The following MPHOSPH6 variants were observed in gnomAD, a reference collection of about 807,000 sequenced individuals.
The protein encoded by MPHOSPH6 is M-phase phosphoprotein 6.
Under a neutral mutation model 21.8 loss-of-function variants are expected in MPHOSPH6, and 25 were observed. That is an observed-to-expected ratio of 1.15 (90% CI 0.83 to 1.60). The LOEUF (loss-of-function observed/expected upper bound fraction) is 1.60. MPHOSPH6 is among the 40% of genes most tolerant of loss of function. MPHOSPH6 has a pLI of 0.00. For synonymous variants in MPHOSPH6, 84 were observed against 56.5 expected, an observed-to-expected ratio of 1.49 and a Z score of -2.18; for missense variants, 269 against 181.8, an observed-to-expected ratio of 1.48 and a Z score of -2.76.
chr16:82,167,699 G>C (rs1268892450), intron 1 of MPHOSPH6: 1 of 152,276 alleles, frequency 6.6e-6, no homozygotes, highest in Non-Finnish European at 1.5e-5. Context: ...TAGGGTTTCT[G>C]ATCCTAGGAG....
At chr16:82,161,094 G>A (rs930676802) in intron 2 of MPHOSPH6, among the ~76,000 whole-genome samples, 4 of 152,140 alleles carry the variant, frequency 2.6e-5, no homozygotes, top group African/African-American at 9.7e-5. Context: ...CTTCATCAAA[G>A]CTAACATAAA....
rs916141512 is a variant in MPHOSPH6 at position 82,152,205 on chromosome 16, A to AT, written c.165-692dup. On this transcript the variant is annotated intron_variant, in intron 2 of 4. Coordinates refer to ENST00000258169, the MANE Select transcript of MPHOSPH6 (RefSeq NM_005792.2). Reference sequence around the variant, plus strand: ...AGCTGTGTGGTGCACTTATACACAGATTTTTTTCAAAAAATTTCAATAGTT... The same window carrying AT: ...AGCTGTGTGGTGCACTTATACACAGATTTTTTTTCAAAAAATTTCAATAGTT... Among the ~76,000 whole-genome samples the AT allele has an allele frequency of 3.9e-5, 6 of 152,188 alleles. No homozygotes were observed. In the South Asian group the frequency reaches 6.2e-4, roughly 16 times the overall value.
At chr16:82,149,638 G>A (rs967362565) in intron 3 of MPHOSPH6, among the ~76,000 whole-genome samples, 1 of 152,224 alleles carries the variant, frequency 6.6e-6, no homozygotes, top group African/African-American at 2.4e-5. Context: ...AATTTAAAGT[G>A]TATTTAAGAT....
At chr16:82,167,982 T>C (rs1417246788) in intron 1 of MPHOSPH6, among the ~76,000 whole-genome samples, 2 of 152,226 alleles carry the variant, frequency 1.3e-5, no homozygotes, top group South Asian at 2.1e-4. Context: ...TCTATCAGTA[T>C]AGACAGTGTC....
chr16:82,161,810 A>G (rs1324122593), intron 2 of MPHOSPH6, among the ~76,000 whole-genome samples: 1 of 152,206 alleles, frequency 6.6e-6, no homozygotes, highest in Non-Finnish European at 1.5e-5. Context: ...TCATTCCCCT[A>G]CATGGTCTAG....
rs938425901 is a variant in MPHOSPH6 at position 82,170,114 on chromosome 16, C to T, written c.51+11G>A. The T allele has an allele frequency of 8.8e-6, 14 of 1,588,814 alleles. No individual in the cohort carries two copies. Among genetic ancestry groups the T allele is most frequent in the Non-Finnish European group, 1.2e-5 (14 of 1,167,974 alleles). On this transcript the variant is annotated intron_variant, in intron 1 of 4. Transcript: ENST00000258169. The stretch of plus-strand genomic sequence containing the variant: ...CTACCGCCCGGAGTGGCGCTCTCAG[C>T]GTCCCCGCACCTTCATGCGCAGTAG...
intron 1 of MPHOSPH6, among the ~76,000 whole-genome samples, chr16:82,169,373 C>G (rs1277689333): frequency 6.6e-6 from 1 of 152,158 alleles, no homozygotes; most frequent in African/African-American, 2.4e-5. Flanking sequence ...GACGCTGTGC[C>G]TTCCACCCTC....
chr16:82,157,438 A>G (rs1004991882), intron 2 of MPHOSPH6, among the ~76,000 whole-genome samples: 2 of 152,244 alleles, frequency 1.3e-5, no homozygotes, highest in Non-Finnish European at 2.9e-5. Flanking sequence ...GACAAAATTA[A>G]TCTACGGTTT....
intron 2 of MPHOSPH6, 67 bp from the exon 3 acceptor site, chr16:82,151,581 G>A: frequency 1.4e-6 from 2 of 1,471,408 alleles, no homozygotes; most frequent in Middle Eastern, 2.6e-4. Context: ...CCAACACTTT[G>A]AATAAAAAAA....
chr16:82,156,463 C>G (rs1032577898), intron 2 of MPHOSPH6, among the ~76,000 whole-genome samples: 1 of 151,646 alleles, frequency 6.6e-6, no homozygotes, highest in Non-Finnish European at 1.5e-5. Flanking sequence ...TTTAAAATGG[C>G]CAAAATATTT....
chr16:82,164,322 T>C (rs867671733), intron 1 of MPHOSPH6, 128 bp from the exon 2 acceptor site: 1 of 649,964 alleles, frequency 1.5e-6, no homozygotes. Context: ...GATTGAGGGT[T>C]GGGGCAAGTG....
chr16:82,152,270 C>A (rs1332637257), intron 2 of MPHOSPH6, among the ~76,000 whole-genome samples: 1 of 151,984 alleles, frequency 6.6e-6, no homozygotes, highest in African/African-American at 2.4e-5. Context: ...TGGATAAGTT[C>A]TTTAGTGGTG....
intron 1 of MPHOSPH6, among the ~76,000 whole-genome samples, chr16:82,168,296 C>A (rs184294388): frequency 6.6e-6 from 1 of 152,092 alleles, no homozygotes; most frequent in Admixed American, 6.6e-5. Flanking sequence ...TTATTACCAA[C>A]CATAAAATCA....
At chr16:82,169,562 T>C (rs1052707536) in intron 1 of MPHOSPH6, among the ~76,000 whole-genome samples, 2 of 152,332 alleles carry the variant, frequency 1.3e-5, no homozygotes, top group Admixed American at 6.5e-5. Flanking sequence ...GTTTTAAAAA[T>C]ACCCCCTCTC....
Position 82,151,498 on chromosome 16 carries a change from C to T in MPHOSPH6, c.181G>A (p.Glu61Lys). ...LKEKESFIIEEQSFLLCEDLL... is the reference protein window; with the variant it reads ...LKEKESFIIEKQSFLLCEDLL... ...TCTTCACATAGTAAGAAACTCTGCT[C>T]TTCTATTATGAAACTCCTAAATGGG... The change falls in exon 3 of 5, where the codon GAG (glutamate) becomes AAG (lysine). Residue 61 changes from glutamate to lysine, a missense_variant. Coordinates refer to ENST00000258169, the MANE Select transcript of MPHOSPH6 (RefSeq NM_005792.2). 3.8e-6 allele frequency: 6 copies of T among 1,593,038 alleles called. No homozygotes were observed. Among genetic ancestry groups the T allele is most frequent in the African/African-American group, 1.4e-5 (1 of 74,042 alleles).
At chr16:82,162,892 C>T (rs1290496880) in intron 2 of MPHOSPH6, among the ~76,000 whole-genome samples, 5 of 152,280 alleles carry the variant, frequency 3.3e-5, no homozygotes, top group Non-Finnish European at 7.3e-5. Flanking sequence ...TAGAAACAGT[C>T]CTGCTCTTTA....
At chr16:82,160,337 T>C (rs1268222227) in intron 2 of MPHOSPH6, among the ~76,000 whole-genome samples, 2 of 152,190 alleles carry the variant, frequency 1.3e-5, no homozygotes, top group African/African-American at 2.4e-5. Context: ...GATGAGAAAC[T>C]ACTGCTCAGA....
intron 2 of MPHOSPH6, among the ~76,000 whole-genome samples, chr16:82,154,055 ACACT>A (rs1319058980): frequency 6.6e-6 from 1 of 152,208 alleles, no homozygotes. Context: ...ACATAAGGTA[ACACT>A]CACAGGTTTC....
intron 2 of MPHOSPH6, chr16:82,162,258 G>C (rs148823943): frequency 2.6e-5 from 4 of 152,340 alleles, no homozygotes; most frequent in African/African-American, 7.2e-5. Context: ...TCAAACCCAG[G>C]TCTGCCTGAC....
Sources: allele counts gnomAD v4.1 joint callset (sites outside exome capture counted in the v4.1 genomes callset), GRCh38; gene constraint gnomAD v4.1.1; transcripts MANE v1.5; gene names NCBI Gene and HGNC (gene_info 2026-07-23, HGNC 2026-07-21).